MEI4: variants seen among roughly 807,000 people sequenced by gnomAD.
MEI4 encodes the protein meiotic double-stranded break formation protein 4, also known as meiosis-specific protein MEI4.
MEI4 carries 27 observed loss-of-function variants against 31.4 expected under a neutral mutation model. That is an observed-to-expected ratio of 0.86 (90% CI 0.63 to 1.19). MEI4 has a LOEUF of 1.19. Ranked by LOEUF, MEI4 falls within the 50% of genes most tolerant of loss-of-function variation. MEI4 has a pLI of 0.00. For synonymous variants in MEI4, 122 were observed against 145.4 expected (o/e 0.84, Z 1.16); for missense variants, 329 against 398.9 (o/e 0.82, Z 1.49).
At chr6:77,872,002 T>C (rs1771206217) in intron 4 of MEI4, among the ~76,000 whole-genome samples, 1 of 152,196 alleles carries the variant, frequency 6.6e-6, no homozygotes, top group African/African-American at 2.4e-5. Context: ...TGTGATTTTA[T>C]CTAAATTTCC....
rs950321640 is a variant in MEI4 at position 77,924,634 on chromosome 6, C to T, written c.*1288C>T. On this transcript the variant is annotated 3_prime_UTR_variant, in exon 5 of 5. Coordinates refer to ENST00000684080, the MANE Select transcript of MEI4 (RefSeq NM_001322247.2). ...AATAGGCTTCTTGCTAAAAGTCAGG[C>T]TTTCTTCTCTTCCACATGTGCATAT... 3.3e-5 allele frequency: 5 copies of T among 151,796 alleles called. No homozygotes were observed. Among genetic ancestry groups the T allele is most frequent in the Admixed American group, 2.6e-4 (4 of 15,182 alleles). 9.4% of individuals were successfully genotyped at this position (151,796 alleles called of 1,614,324 possible).
At chr6:77,792,616 G>A (rs1161493994) in intron 3 of MEI4, among the ~76,000 whole-genome samples, 1 of 151,750 alleles carries the variant, frequency 6.6e-6, no homozygotes, top group Non-Finnish European at 1.5e-5. Context: ...TTTGTCTTAT[G>A]TTTAAATCTT....
At chr6:77,732,855 C>G (rs993525081) in intron 2 of MEI4, among the ~76,000 whole-genome samples, 1 of 151,944 alleles carries the variant, frequency 6.6e-6, no homozygotes, top group Admixed American at 6.6e-5. Flanking sequence ...TGAATTTTGT[C>G]AAAGGCCTTT....
intron 4 of MEI4, among the ~76,000 whole-genome samples, chr6:77,922,827 T>TGAGTA (rs1425804703): frequency 6.6e-6 from 1 of 151,748 alleles, no homozygotes; most frequent in African/African-American, 2.4e-5. Flanking sequence ...CAGATTCATT[T>TGAGTA]GAGTATTCTC....
chr6:77,919,747 T>C lies in MEI4; in HGVS notation c.901-3342T>C, dbSNP rs1404125563. Among the ~76,000 whole-genome samples the C allele has an allele frequency of 4.8e-4, 71 of 148,438 alleles. 2 individuals carry two copies. The highest frequency in any genetic ancestry group is 1.3e-3 in the African/African-American group (52 of 40,684). ...AAAGGATCAACAAAATTGATAGACC[T>C]CTAGCAAGACTAATAAAGAAAAAAA... On this transcript the variant is annotated intron_variant, in intron 4 of 4. Coordinates refer to ENST00000684080, the MANE Select transcript of MEI4 (RefSeq NM_001322247.2).
intron 4 of MEI4, among the ~76,000 whole-genome samples, chr6:77,876,898 A>C (rs1771354480): frequency 6.6e-6 from 1 of 152,172 alleles, no homozygotes; most frequent in African/African-American, 2.4e-5. Context: ...AAGATGTGGA[A>C]GATATGAAGG....
intron 2 of MEI4, among the ~76,000 whole-genome samples, chr6:77,707,275 C>T (rs1766354355): frequency 6.6e-6 from 1 of 152,150 alleles, no homozygotes; most frequent in African/African-American, 2.4e-5. Context: ...TGTGTTCATG[C>T]CCTACGGATC....
chr6:77,883,717 G>GATAGATAGATATATATATAT (rs1554172067), intron 4 of MEI4, among the ~76,000 whole-genome samples: 2 of 43,338 alleles, frequency 4.6e-5, no homozygotes, highest in African/African-American at 3.8e-4. Context: ...TATTATGTAA[G>GATAGATAGATATATATATAT]ATATATATAT....
intron 4 of MEI4, among the ~76,000 whole-genome samples, chr6:77,912,001 TG>T (rs1369798713): frequency 1.3e-5 from 2 of 152,018 alleles, no homozygotes; most frequent in African/African-American, 2.4e-5. Context: ...AGTTGAATTT[TG>T]TATATGGAGA....
intron 4 of MEI4, among the ~76,000 whole-genome samples, chr6:77,837,987 T>C (rs548015124): frequency 1.3e-5 from 2 of 152,282 alleles, no homozygotes; most frequent in Admixed American, 1.3e-4. Flanking sequence ...TCATACAGTT[T>C]TTGGGGGTCT....
chr6:77,668,599 A>C (rs1167960326), intron 1 of MEI4, among the ~76,000 whole-genome samples: 3 of 152,220 alleles, frequency 2.0e-5, no homozygotes, highest in Non-Finnish European at 4.4e-5. Flanking sequence ...TTCACTTGGC[A>C]GCCAATGAAG....
chr6:77,790,792 G>A lies in MEI4; in HGVS notation c.768+29127G>A, dbSNP rs762119276. On this transcript the variant is annotated intron_variant, in intron 3 of 4. Coordinates refer to ENST00000684080, the MANE Select transcript of MEI4 (RefSeq NM_001322247.2). ...AAAATTGTATCTAATAGAACATGGC[G>A]TTTTGAAATATCTGTACATTATGAA... Among the ~76,000 whole-genome samples, 17 of 151,854 alleles carry A rather than the reference G, an allele frequency of 1.1e-4. 1 individual carries two copies. Among genetic ancestry groups the A allele is most frequent in the East Asian group, 3.9e-4 (2 of 5,128 alleles).
chr6:77,729,388 G>T (rs1037382838), intron 2 of MEI4, among the ~76,000 whole-genome samples: 4 of 152,212 alleles, frequency 2.6e-5, no homozygotes, highest in Admixed American at 2.6e-4. Flanking sequence ...TTCTCACACT[G>T]GAATAACCTA....
Position 77,924,201 on chromosome 6 carries a change from C to CATTTCCTATAGTGCCAT in MEI4, c.*856_*872dup, listed in dbSNP as rs1469706631. 6.6e-6 allele frequency: 1 copy of CATTTCCTATAGTGCCAT among 151,782 alleles called. No homozygotes were observed. Among genetic ancestry groups the CATTTCCTATAGTGCCAT allele is most frequent in the Non-Finnish European group, 1.5e-5 (1 of 67,854 alleles). 9.4% of individuals were successfully genotyped at this position (151,782 alleles called of 1,614,324 possible). A position where few individuals can be genotyped will look rare whatever the true frequency, so the allele number is the denominator to read the frequency against. On this transcript the variant is annotated 3_prime_UTR_variant, in exon 5 of 5. Transcript: ENST00000684080. ...CCGCAAACTTAATGAGCATATGTTA[C>CATTTCCTATAGTGCCAT]ATTTCCTATAGTGCCATTTAGGGAA...
intron 4 of MEI4, among the ~76,000 whole-genome samples, chr6:77,841,333 A>ATATATATATATATTTTTTTTTTTTTTTTT: frequency 3.6e-5 from 1 of 27,736 alleles, no homozygotes; most frequent in Non-Finnish European, 5.2e-5. Context: ...ATATATATAT[A>ATATATATATATATTTTTTTTTTTTTTTTT]TTTTTTTTTT....
intron 2 of MEI4, among the ~76,000 whole-genome samples, chr6:77,734,615 T>C (rs1253522438): frequency 6.6e-6 from 1 of 152,106 alleles, no homozygotes; most frequent in Admixed American, 6.5e-5. Context: ...TGTCTTTTAA[T>C]TGGAGCATTT....
chr6:77,838,761 G>C (rs1353173334), intron 4 of MEI4, among the ~76,000 whole-genome samples: 1 of 152,000 alleles, frequency 6.6e-6, no homozygotes, highest in Non-Finnish European at 1.5e-5. Context: ...AAAATTAGCT[G>C]GGTGTGGTGG....
intron 3 of MEI4, among the ~76,000 whole-genome samples, chr6:77,806,294 G>A (rs2127703064): frequency 1.3e-5 from 2 of 152,176 alleles, no homozygotes; most frequent in Middle Eastern, 6.8e-3. Context: ...TATCTACTCT[G>A]GGAGGCTGAA....
At chr6:77,888,971 A>G (rs907889381) in intron 4 of MEI4, among the ~76,000 whole-genome samples, 3 of 152,136 alleles carry the variant, frequency 2.0e-5, no homozygotes, top group Admixed American at 2.0e-4. Context: ...AGAAGTACAT[A>G]TGTGCTTCCC....
Sources: gnomAD v4.1 joint callset for allele counts (sites outside exome capture counted in the v4.1 genomes callset) on GRCh38, gnomAD v4.1.1 for gene constraint, MANE v1.5 for transcripts, NCBI Gene and HGNC (gene_info 2026-07-23, HGNC 2026-07-21) for gene names.